DNAAF5: variants seen among roughly 807,000 people sequenced by gnomAD.
DNAAF5 encodes the protein dynein axonemal assembly factor 5.
DNAAF5 carries 64 observed loss-of-function variants against 75.8 expected under a neutral mutation model. That is an observed-to-expected ratio of 0.84 (90% CI 0.69 to 1.04). The LOEUF (loss-of-function observed/expected upper bound fraction) is 1.04, where lower values mean the gene tolerates loss of function less well. Among genes scored for constraint, DNAAF5 ranks in the 50% least tolerant of loss-of-function variants. The pLI, the probability that DNAAF5 is intolerant of heterozygous loss-of-function variation, is 0.00. For missense variants in DNAAF5, 1,269 were observed against 1,178.5 expected, an observed-to-expected ratio of 1.08 and a Z score of -1.12; for synonymous variants, 657 against 557.2, an observed-to-expected ratio of 1.18 and a Z score of -2.52.
chr7:753,587 G>A (rs1310087214), intron 4 of DNAAF5, among the ~76,000 whole-genome samples: 2 of 96,460 alleles, frequency 2.1e-5, no homozygotes, highest in Non-Finnish European at 4.3e-5. Context: ...ATATGGGGAC[G>A]GCTTCACAGA....
rs748871246 is a variant in DNAAF5 at position 729,658 on chromosome 7, C to A, written c.596-5C>A. 1 of 1,613,042 alleles carries A rather than the reference C, an allele frequency of 6.2e-7. No homozygotes were observed. Among genetic ancestry groups the A allele is most frequent in the Admixed American group, 1.7e-5 (1 of 59,984 alleles). On this transcript the variant is annotated splice_region_variant and splice_polypyrimidine_tract_variant and intron_variant, in intron 1 of 12. Coordinates refer to ENST00000297440, the MANE Select transcript of DNAAF5 (RefSeq NM_017802.4). ...CTGGTAACTGGGGGCCTCCCTGTCC[C>A]TCAGACCACTTCCACATGCAGTCGG...
chr7:769,962 G>A (rs1437460626), intron 8 of DNAAF5, among the ~76,000 whole-genome samples: 1 of 151,136 alleles, frequency 6.6e-6, no homozygotes, highest in African/African-American at 2.4e-5. Context: ...TTTTGTTTTT[G>A]TTTTTTTGAG....
intron 4 of DNAAF5, among the ~76,000 whole-genome samples, chr7:745,463 TACAC>T (rs376076192): frequency 2.7e-4 from 41 of 152,284 alleles, no homozygotes; most frequent in African/African-American, 8.7e-4. Context: ...CATGCACATG[TACAC>T]ACACACCTGT....
intron 4 of DNAAF5, among the ~76,000 whole-genome samples, chr7:748,674 C>T (rs192833585): frequency 1.3e-5 from 2 of 152,194 alleles, no homozygotes; most frequent in African/African-American, 4.8e-5. Context: ...TCGGTGGACT[C>T]GGGCCCTGTG....
chr7:778,663 G>GTT (rs1297465834), intron 11 of DNAAF5: 1 of 152,356 alleles, frequency 6.6e-6, no homozygotes, highest in African/African-American at 2.4e-5. Context: ...GCCCATAGAT[G>GTT]TTTGCTAGCG....
intron 11 of DNAAF5, chr7:778,753 G>C (rs772291666): frequency 2.6e-5 from 4 of 152,468 alleles, no homozygotes; most frequent in Non-Finnish European, 4.4e-5. Flanking sequence ...ACTGTGCAGC[G>C]AGGGCTCCCG....
intron 4 of DNAAF5, among the ~76,000 whole-genome samples, chr7:745,572 C>T (rs1782067497): frequency 6.6e-6 from 1 of 152,160 alleles, no homozygotes; most frequent in Non-Finnish European, 1.5e-5. Flanking sequence ...CGCACATGTG[C>T]ACACCCATAT....
At chr7:767,238 CAAAAAAA>C (rs936022330) in intron 8 of DNAAF5, among the ~76,000 whole-genome samples, 2 of 66,410 alleles carry the variant, frequency 3.0e-5, no homozygotes, top group African/African-American at 1.1e-4. Flanking sequence ...GACTCGGTCT[CAAAAAAA>C]AAAAAAAAAA....
chr7:732,898 G>A (rs1351188700), intron 2 of DNAAF5, among the ~76,000 whole-genome samples: 1 of 152,128 alleles, frequency 6.6e-6, no homozygotes, highest in Non-Finnish European at 1.5e-5. Context: ...TCTTTTAGTG[G>A]TTTCATAGTT....
chr7:782,826 C>T (rs1482913626), intron 12 of DNAAF5, among the ~76,000 whole-genome samples: 1 of 152,004 alleles, frequency 6.6e-6, no homozygotes, highest in Non-Finnish European at 1.5e-5. Context: ...CCATGGCCAC[C>T]TCCCATCCGG....
At chr7:739,834 A>T (rs1285095672) in intron 2 of DNAAF5, among the ~76,000 whole-genome samples, 1 of 152,056 alleles carries the variant, frequency 6.6e-6, no homozygotes, top group Non-Finnish European at 1.5e-5. Flanking sequence ...GCCGGGGCGG[A>T]GCAGCCCCTC....
At position 729,774 on chromosome 7, in the gene DNAAF5, A is replaced by T. The variant is rs115058579; in HGVS notation, c.707A>T (p.His236Leu). Residue 236 changes from histidine to leucine, a missense_variant, in exon 2 of 13, where the codon CAT (histidine) becomes CTT (leucine). By Grantham distance (99) the His-to-Leu change is moderately conservative. Transcript: ENST00000297440. ...ATTGAAGCCACAGGCGCAGTGATCC[A>T]TTTTGGCAACGGGAAGTCCGTGGAC... ...AAIEATGAVI[H>L]FGNGKSVDDV... 428 of 1,614,190 alleles carry T rather than the reference A, an allele frequency of 2.7e-4. 1 individual carries two copies. The African/African-American group carries it at 5.3e-3, about 20-fold the overall frequency.
In DNAAF5 at chr7:754,925, G is replaced by A. The variant is rs1360550748; in HGVS notation, c.1257+104G>A. 17 of 881,910 alleles carry A rather than the reference G, an allele frequency of 1.9e-5. No individual in the cohort carries two copies. Among genetic ancestry groups the A allele is most frequent in the East Asian group, 5.4e-5 (2 of 37,226 alleles). 54.6% of individuals were successfully genotyped at this position (881,910 alleles called of 1,614,324 possible). On this transcript the variant is annotated intron_variant, in intron 5 of 12. Transcript: ENST00000297440. The surrounding 1 kb of genome is among the most constrained non-coding windows in gnomAD (Gnocchi z 4.8). Reference sequence around the variant, plus strand: ...GAGGCTGTACTGTAGCCAAGACAGCGTTCCCCTCACCCCCGGGCCGCAGGC... The same window carrying A: ...GAGGCTGTACTGTAGCCAAGACAGCATTCCCCTCACCCCCGGGCCGCAGGC...
chr7:727,351 C>A (rs1313950020), intron 1 of DNAAF5, 36 bp downstream of exon 1: 50 of 1,155,822 alleles, frequency 4.3e-5, no homozygotes, highest in Admixed American at 3.6e-4. Flanking sequence ...CACGCCACCC[C>A]ACACTCTCAC....
intron 4 of DNAAF5, among the ~76,000 whole-genome samples, chr7:753,000 A>G (rs777561949): frequency 1.1e-4 from 17 of 152,256 alleles, no homozygotes; most frequent in Non-Finnish European, 2.2e-4. Flanking sequence ...AAGGAAAAGC[A>G]CACGGAAATG....
chr7:771,215 A>G (rs75000592), intron 9 of DNAAF5: 2,324 of 152,396 alleles, frequency 0.015, 42 homozygotes, highest in East Asian at 0.12. Flanking sequence ...TGGCATTAAG[A>G]CCCCGAGGGT....
At position 754,533 on chromosome 7, in the gene DNAAF5, A is replaced by T; in HGVS notation, c.1025-56A>T. 7.0e-7 allele frequency: 1 copy of T among 1,430,488 alleles called. No homozygotes were observed. Among genetic ancestry groups the T allele is most frequent in the Non-Finnish European group, 9.8e-7 (1 of 1,016,814 alleles). 88.6% of individuals were successfully genotyped at this position (1,430,488 alleles called of 1,614,324 possible). On this transcript the variant is annotated intron_variant, in intron 4 of 12. Transcript: ENST00000297440. The surrounding 1 kb of genome is among the most constrained non-coding windows in gnomAD (Gnocchi z 4.8). ...CTTAAATGTGATGTGCGGTAACTTG[A>T]GTTGTTGAGGTTTTGCTTGTGAATT... is the stretch of plus-strand genomic sequence containing the variant.
At chr7:753,958 G>C (rs941914949) in intron 4 of DNAAF5, among the ~76,000 whole-genome samples, 1 of 146,082 alleles carries the variant, frequency 6.8e-6, no homozygotes, top group African/African-American at 2.6e-5. Context: ...TCGCAGGCGT[G>C]TCTCTCTCAT....
chr7:727,188 C>T lies in DNAAF5; in HGVS notation c.468C>T (p.Cys156=), dbSNP rs1218737924. Residue 156 remains cysteine (C), a synonymous_variant, in exon 1 of 13, where the codon TGC becomes TGT. Transcript: ENST00000297440. ...VQLLGLAVDL[C]GAALAPHLDD... is the part of the protein sequence containing the mutation. ...TGCTGGGCCTGGCCGTGGACCTGTGCGGCGCCGCGCTCGCGCCCCACCTGG... is the reference window on the plus strand; with the variant it reads ...TGCTGGGCCTGGCCGTGGACCTGTGTGGCGCCGCGCTCGCGCCCCACCTGG... 2 of 1,342,752 alleles carry T rather than the reference C, an allele frequency of 1.5e-6. No homozygotes were observed. Among genetic ancestry groups the T allele is most frequent in the East Asian group, 3.4e-5 (1 of 29,246 alleles). The allele number at this position is 1,342,752 out of a possible 1,614,324, so 83.2% of individuals were successfully genotyped here.
Sources: allele counts gnomAD v4.1 joint callset (sites outside exome capture counted in the v4.1 genomes callset), GRCh38; gene constraint gnomAD v4.1.1; non-coding constraint Gnocchi (gnomAD v3.1); transcripts MANE v1.5; gene names NCBI Gene and HGNC (gene_info 2026-07-23, HGNC 2026-07-21).